Variants in RIC3 observed in about 807,000 individuals in gnomAD.
RIC3 encodes the protein RIC3 acetylcholine receptor chaperone.
A neutral mutation model predicts 27.3 loss-of-function variants in RIC3; 28 were observed. That is an observed-to-expected ratio of 1.02 (90% CI 0.76 to 1.41). RIC3 has a LOEUF of 1.41. Ranked by LOEUF, RIC3 falls within the 40% of genes most tolerant of loss-of-function variation. The pLI is 0.00. For missense variants in RIC3, 501 were observed against 444.7 expected, an observed-to-expected ratio of 1.13 and a Z score of -1.14; for synonymous variants, 184 against 160.4, an observed-to-expected ratio of 1.15 and a Z score of -1.11.
intron 4 of RIC3, among the ~76,000 whole-genome samples, chr11:8,134,822 T>C (rs113861516): frequency 0.068 from 10,359 of 152,232 alleles, 393 homozygotes; most frequent in South Asian, 0.11. Context: ...TTATATCCTT[T>C]GCCCGCTTGT....
At chr11:8,101,854 A>G, downstream of RIC3, 7 of 468,386 alleles carry the variant, frequency 1.5e-5, no homozygotes, top group South Asian at 7.2e-5. Context: ...AATTCTTTCC[A>G]TGCCACGAGA....
At chr11:8,133,308 C>G (rs191447530) in intron 4 of RIC3, among the ~76,000 whole-genome samples, 2 of 152,170 alleles carry the variant, frequency 1.3e-5, no homozygotes, top group African/African-American at 4.8e-5. Context: ...TATAAATTAC[C>G]CAGTCTGTGG....
chr11:8,168,880 G>A lies in RIC3; in HGVS notation c.110C>T (p.Pro37Leu). 1 of 1,610,204 alleles carries A rather than the reference G, an allele frequency of 6.2e-7. No homozygotes were observed. The highest frequency in any genetic ancestry group is 8.5e-7 in the Non-Finnish European group (1 of 1,178,706). Residue 37 changes from proline to leucine, a missense_variant, in exon 1 of 6, where the codon CCG becomes CTG. Pro to Leu is a moderately conservative substitution (Grantham distance 98). Transcript: ENST00000309737. Reference sequence around the variant, plus strand: ...CCTGCTCTTACCTTCAGGTGTCGGCGGCGGCTCCTGCCGCTTCCCGCGGGA... The same window carrying A: ...CCTGCTCTTACCTTCAGGTGTCGGCAGCGGCTCCTGCCGCTTCCCGCGGGA... ...FLSRGKRQEPPPTPEGKLGRF... is the reference protein window; with the variant it reads ...FLSRGKRQEPLPTPEGKLGRF...
At chr11:8,168,778 GCAGACTCT>G (rs1421129619) in intron 1 of RIC3, 80 bp downstream of exon 1, 134 of 1,504,390 alleles carry the variant, frequency 8.9e-5, no homozygotes, top group Non-Finnish European at 1.1e-4. Context: ...GGTGAAGGCT[GCAGACTCT>G]CAGAGTCACC....
chr11:8,142,122 A>G (rs1201152051), intron 1 of RIC3, among the ~76,000 whole-genome samples: 6 of 146,516 alleles, frequency 4.1e-5, no homozygotes, highest in East Asian at 2.0e-4. Flanking sequence ...AAGAACTAGA[A>G]AAGCAAGAGC....
In RIC3 at chr11:8,110,660, T is replaced by A. The variant is rs746981789; in HGVS notation, c.*38A>T. On this transcript the variant is annotated 3_prime_UTR_variant, in exon 6 of 6. Coordinates refer to ENST00000309737, the MANE Select transcript of RIC3 (RefSeq NM_001206671.4). ...GAAATCTGAGGAGAGAGAGGTCACC[T>A]TGGGACTTGAGTAATGGATACTTCA... 7 of 1,583,332 alleles carry A rather than the reference T, an allele frequency of 4.4e-6. No individual in the cohort carries two copies. Among genetic ancestry groups the A allele is most frequent in the Non-Finnish European group, 4.3e-6 (5 of 1,152,646 alleles).
At chr11:8,123,223 C>T (rs990944645) in intron 5 of RIC3, among the ~76,000 whole-genome samples, 6 of 151,644 alleles carry the variant, frequency 4.0e-5, no homozygotes, top group African/African-American at 1.2e-4. Context: ...CTCACATGAC[C>T]TGTGGGGCAA....
At chr11:8,132,093 C>A (rs1273596154) in intron 4 of RIC3, among the ~76,000 whole-genome samples, 1 of 152,080 alleles carries the variant, frequency 6.6e-6, no homozygotes, top group Non-Finnish European at 1.5e-5. Context: ...CCCTTTGCTG[C>A]CAGAGGTTGC....
chr11:8,113,323 A>G (rs1203466367), intron 5 of RIC3, among the ~76,000 whole-genome samples: 1 of 152,196 alleles, frequency 6.6e-6, no homozygotes, highest in African/African-American at 2.4e-5. Flanking sequence ...ACCCAGACTC[A>G]GGCTCTCAGC....
At chr11:8,101,750 C>T, downstream of RIC3, 1 of 1,433,792 alleles carries the variant, frequency 7.0e-7, no homozygotes, top group Non-Finnish European at 9.2e-7. Context: ...AGTGGGCTCC[C>T]TGGCCCAGCC....
chr11:8,100,855 G>C, the RIC3 span: 1 of 1,614,156 alleles, frequency 6.2e-7, no homozygotes, highest in African/African-American at 1.3e-5. Context: ...CACGCTGGCA[G>C]AATAAGAACA....
At chr11:8,097,775 T>C in the RIC3 span, 5 of 1,614,042 alleles carry the variant, frequency 3.1e-6, no homozygotes, top group Non-Finnish European at 4.2e-6. Flanking sequence ...CTCATCTCTG[T>C]GGACCCAACA....
At chr11:8,093,921 C>T in the RIC3 span, 1 of 1,105,540 alleles carries the variant, frequency 9.0e-7, no homozygotes, top group Admixed American at 1.9e-5. Flanking sequence ...AGAAGTGGTA[C>T]AGGGGCCCTG....
In RIC3 at chr11:8,163,188, C is replaced by T. The variant is rs189953335; in HGVS notation, c.124+5678G>A. On this transcript the variant is annotated intron_variant, in intron 1 of 5. Transcript: ENST00000309737. ...CAGTAAAGGACAAAACTCACATAAT[C>T]ATCTCATAATCATCTCAACAGACAT... 2.8e-3 allele frequency among the ~76,000 whole-genome samples: 428 copies of T among 151,916 alleles called. 3 individuals carry two copies. The highest frequency in any genetic ancestry group is 4.3e-3 in the Non-Finnish European group (289 of 67,918).
At chr11:8,126,948 T>TATGCAGTTGGA in intron 4 of RIC3, 141 bp from the exon 5 acceptor site, 2 of 945,286 alleles carry the variant, frequency 2.1e-6, no homozygotes, top group Non-Finnish European at 3.3e-6. Flanking sequence ...ATCCTCCAAC[T>TATGCAGTTGGA]GCATAGCTGG....
chr11:8,138,031 T>C (rs1948613866), intron 3 of RIC3, among the ~76,000 whole-genome samples: 1 of 152,222 alleles, frequency 6.6e-6, no homozygotes, highest in South Asian at 2.1e-4. Flanking sequence ...TGAGAAGTCA[T>C]TCCAAACGTG....
intron 1 of RIC3, among the ~76,000 whole-genome samples, chr11:8,156,590 A>G (rs1198463762): frequency 2.0e-5 from 3 of 152,202 alleles, no homozygotes; most frequent in Non-Finnish European, 2.9e-5. Flanking sequence ...TTCCCATTAC[A>G]TACCACTCAT....
At chr11:8,144,782 A>C (rs1408574144) in intron 1 of RIC3, among the ~76,000 whole-genome samples, 3 of 151,884 alleles carry the variant, frequency 2.0e-5, no homozygotes, top group African/African-American at 4.8e-5. Flanking sequence ...AACCAACCCA[A>C]ATGTCCAACA....
chr11:8,137,100 C>A (rs899393635), intron 4 of RIC3, among the ~76,000 whole-genome samples: 1 of 152,228 alleles, frequency 6.6e-6, no homozygotes, highest in African/African-American at 2.4e-5. Context: ...TCTTGGCTCA[C>A]TGCAACCTCC....
Sources: gnomAD v4.1 joint callset for allele counts (sites outside exome capture counted in the v4.1 genomes callset) on GRCh38, gnomAD v4.1.1 for gene constraint, MANE v1.5 for transcripts, NCBI Gene and HGNC (gene_info 2026-07-23, HGNC 2026-07-21) for gene names.